The following DIP2B variants were observed in gnomAD, a reference collection of about 807,000 sequenced individuals.
DIP2B encodes the protein DIP2 acetate--CoA ligase B (putative).
DIP2B carries 76 observed loss-of-function variants against 198.0 expected under a neutral mutation model. The ratio of observed to expected loss-of-function variants is 0.38; its 90% CI spans 0.32 to 0.46. The LOEUF is 0.46. Among genes scored for constraint, DIP2B ranks in the 20% least tolerant of loss-of-function variants. DIP2B has a pLI of 0.99. For synonymous variants in DIP2B, 701 were observed against 739.1 expected (o/e 0.95, Z 0.84); for missense variants, 1,559 against 1,978.4 (o/e 0.79, Z 4.02).
At chr12:50,648,666 T>G (rs1218017937) in intron 3 of DIP2B, among the ~76,000 whole-genome samples, 13 of 16,502 alleles carry the variant, frequency 7.9e-4, no homozygotes, top group African/African-American at 2.0e-3. Context: ...CCCAGCCCCC[T>G]TTTTTTTTTT....
intron 1 of DIP2B, among the ~76,000 whole-genome samples, chr12:50,588,142 T>A (rs1044438537): frequency 2.6e-5 from 4 of 151,114 alleles, no homozygotes; most frequent in Non-Finnish European, 5.9e-5. Context: ...TTTTCTTTTT[T>A]TTTTCTTTTT....
At chr12:50,587,404 G>A (rs1958780392) in intron 1 of DIP2B, among the ~76,000 whole-genome samples, 1 of 152,110 alleles carries the variant, frequency 6.6e-6, no homozygotes, top group Admixed American at 6.6e-5. Context: ...ACTAATTAAT[G>A]CAAAGCTACC....
intron 1 of DIP2B, among the ~76,000 whole-genome samples, chr12:50,559,955 C>T (rs1190890533): frequency 6.6e-6 from 1 of 151,992 alleles, no homozygotes. Context: ...TATCTTGTTT[C>T]CTACCCTCAT....
chr12:50,604,010 C>T (rs1459953795), intron 1 of DIP2B, among the ~76,000 whole-genome samples: 7 of 151,996 alleles, frequency 4.6e-5, no homozygotes, highest in Non-Finnish European at 1.0e-4. Context: ...TTGGCATTGA[C>T]CAGAGTACCA....
chr12:50,673,630 T>C (rs1592121282), intron 5 of DIP2B, among the ~76,000 whole-genome samples: 1 of 151,938 alleles, frequency 6.6e-6, no homozygotes, highest in African/African-American at 2.4e-5. Context: ...CTACTAAAAA[T>C]ACAAATATTA....
chr12:50,654,226 G>A (rs1938515043), intron 3 of DIP2B, among the ~76,000 whole-genome samples: 1 of 151,664 alleles, frequency 6.6e-6, no homozygotes, highest in Non-Finnish European at 1.5e-5. Context: ...TTATGATGTA[G>A]TTTGGTTGTT....
At chr12:50,529,228 G>C (rs1383141272) in intron 1 of DIP2B, among the ~76,000 whole-genome samples, 1 of 152,152 alleles carries the variant, frequency 6.6e-6, no homozygotes, top group Non-Finnish European at 1.5e-5. Context: ...GGAGATGGAG[G>C]CTCCGGGAGC....
chr12:50,636,751 G>A (rs1244668751), intron 2 of DIP2B, among the ~76,000 whole-genome samples: 2 of 152,160 alleles, frequency 1.3e-5, no homozygotes, highest in Admixed American at 6.5e-5. Flanking sequence ...TTGGACTCCC[G>A]GAGCAGAGCT....
chr12:50,691,688 A>G (rs10506295), intron 13 of DIP2B, among the ~76,000 whole-genome samples: 43,883 of 152,082 alleles, frequency 0.29, 6,616 homozygotes, highest in East Asian at 0.44. Flanking sequence ...CCAGACAACA[A>G]TGTTCTATCA....
In DIP2B at chr12:50,732,506, A is replaced by G; in HGVS notation, c.3951A>G (p.Gly1317=). 1 of 1,614,220 alleles carries G rather than the reference A, an allele frequency of 6.2e-7. No homozygotes were observed. Among genetic ancestry groups the G allele is most frequent in the Non-Finnish European group, 8.5e-7 (1 of 1,180,044 alleles). ...LSPRAVSTTF[G]SRVNVAICLQ... is the part of the protein sequence containing the mutation. Reference sequence around the variant, plus strand: ...CGCGGGCTGTCAGCACCACTTTTGGATCAAGAGTCAATGTAGCAATATGTT... The same window carrying G: ...CGCGGGCTGTCAGCACCACTTTTGGGTCAAGAGTCAATGTAGCAATATGTT... The change falls in exon 32 of 38, where the codon GGA becomes GGG. Residue 1317 remains glycine (G), a synonymous_variant. Coordinates refer to ENST00000301180, the MANE Select transcript of DIP2B (RefSeq NM_173602.3).
At chr12:50,614,832 A>C (rs1483362165) in intron 1 of DIP2B, among the ~76,000 whole-genome samples, 1 of 152,204 alleles carries the variant, frequency 6.6e-6, no homozygotes, top group African/African-American at 2.4e-5. Context: ...TGCTTTTGCG[A>C]TCCCCATGCT....
intron 1 of DIP2B, among the ~76,000 whole-genome samples, chr12:50,620,724 A>G (rs1041655233): frequency 2.6e-5 from 4 of 152,222 alleles, no homozygotes; most frequent in African/African-American, 7.2e-5. Context: ...TTTTTGTTCT[A>G]TATGCCAGAT....
intron 4 of DIP2B, among the ~76,000 whole-genome samples, chr12:50,661,865 T>C (rs1187498857): frequency 6.6e-6 from 1 of 152,170 alleles, no homozygotes; most frequent in Admixed American, 6.5e-5. Flanking sequence ...TCAGAGTAAA[T>C]AGGCTGCCCT....
Position 50,547,759 on chromosome 12 carries a change from T to A in DIP2B, c.100+42519T>A, listed in dbSNP as rs563079880. On this transcript the variant is annotated intron_variant, in intron 1 of 37. Coordinates refer to ENST00000301180, the MANE Select transcript of DIP2B (RefSeq NM_173602.3). The stretch of plus-strand genomic sequence containing the variant: ...GGCTGTGACACTATGTATAGCATGA[T>A]TTCATTTCTTTTTTTAAAAAGGGTG... Among the ~76,000 whole-genome samples the A allele has an allele frequency of 3.7e-3, 558 of 152,322 alleles. 4 individuals are homozygous for A. Among genetic ancestry groups the A allele is most frequent in the Non-Finnish European group, 4.0e-3 (269 of 68,036 alleles).
chr12:50,589,532 C>T (rs1292018753), intron 1 of DIP2B, among the ~76,000 whole-genome samples: 1 of 152,024 alleles, frequency 6.6e-6, no homozygotes, highest in Non-Finnish European at 1.5e-5. Context: ...GAAGAGGTGA[C>T]ATTTGAGCTG....
rs1166942982 is a variant in DIP2B, at chr12:50,623,126, G to A, written c.101-2850G>A. 2.6e-5 allele frequency among the ~76,000 whole-genome samples: 4 copies of A among 152,132 alleles called. No homozygotes were observed. In the East Asian group the frequency reaches 5.8e-4, roughly 22 times the overall value. On this transcript the variant is annotated intron_variant, in intron 1 of 37. Transcript: ENST00000301180. ...AACAGGCCAGGTGTGGCTCACACCT[G>A]TAATTCTAGCACTTTGGGAGACCGA...
chr12:50,623,529 G>GCA (rs146613951), intron 1 of DIP2B, among the ~76,000 whole-genome samples: 38,423 of 104,432 alleles, frequency 0.37, 5,527 homozygotes, highest in Non-Finnish European at 0.43. Flanking sequence ...ACACACACAC[G>GCA]CACACACACA....
At chr12:50,686,030 ATAGC>A in intron 11 of DIP2B, 74 bp downstream of exon 11, 1 of 1,447,406 alleles carries the variant, frequency 6.9e-7, no homozygotes, top group Non-Finnish European at 9.5e-7. Flanking sequence ...TAATTTAGTA[ATAGC>A]TAGGTACTTT....
intron 1 of DIP2B, among the ~76,000 whole-genome samples, chr12:50,506,703 C>G (rs1332619760): frequency 6.6e-6 from 1 of 152,214 alleles, no homozygotes; most frequent in South Asian, 2.1e-4. Flanking sequence ...ACCTTAAGTT[C>G]CCCCCGCTTC....
Sources: gnomAD v4.1 joint callset for allele counts (sites outside exome capture counted in the v4.1 genomes callset) on GRCh38, gnomAD v4.1.1 for gene constraint, MANE v1.5 for transcripts, NCBI Gene and HGNC (gene_info 2026-07-23, HGNC 2026-07-21) for gene names.